Variants in AKAP7 observed in about 807,000 individuals in gnomAD.
The protein encoded by AKAP7 is A kinase (PRKA) anchor protein 7.
Under a neutral mutation model 39.5 loss-of-function variants are expected in AKAP7, and 39 were observed. The ratio of observed to expected loss-of-function variants is 0.99; its 90% CI spans 0.76 to 1.29. AKAP7 has a LOEUF of 1.29. AKAP7 is among the 50% of genes most tolerant of loss of function. AKAP7 has a pLI of 0.00. For missense variants in AKAP7, 414 were observed against 407.7 expected (o/e 1.02, Z -0.13); for synonymous variants, 140 against 139.1 (o/e 1.01, Z -0.05).
chr6:131,225,432 A>G (rs571010342), intron 7 of AKAP7, among the ~76,000 whole-genome samples: 1 of 152,284 alleles, frequency 6.6e-6, no homozygotes, highest in South Asian at 2.1e-4. Context: ...TTCTGTTACC[A>G]ATTTGTGAGT....
intron 7 of AKAP7, among the ~76,000 whole-genome samples, chr6:131,276,923 T>C (rs1476655589): frequency 6.6e-6 from 1 of 152,180 alleles, no homozygotes; most frequent in Non-Finnish European, 1.5e-5. Flanking sequence ...TTGGGTCAAC[T>C]CACACTTAAG....
chr6:131,177,769 C>CA (rs972157365), intron 5 of AKAP7, among the ~76,000 whole-genome samples: 42 of 152,290 alleles, frequency 2.8e-4, no homozygotes, highest in African/African-American at 8.2e-4. Context: ...AGTCTGATTC[C>CA]AAATTCTGTG....
At chr6:131,260,992 T>C (rs1562250686) in intron 7 of AKAP7, among the ~76,000 whole-genome samples, 1 of 151,862 alleles carries the variant, frequency 6.6e-6, no homozygotes, top group Non-Finnish European at 1.5e-5. Context: ...AGGTTGGGAG[T>C]TTGAGACCAG....
At chr6:131,224,417 G>C (rs1456919009) in intron 7 of AKAP7, among the ~76,000 whole-genome samples, 4 of 152,024 alleles carry the variant, frequency 2.6e-5, no homozygotes, top group African/African-American at 9.7e-5. Flanking sequence ...TTAATACCGT[G>C]GGACAGATTT....
At chr6:131,172,247 G>GT in intron 5 of AKAP7, among the ~76,000 whole-genome samples, 1 of 152,202 alleles carries the variant, frequency 6.6e-6, no homozygotes, top group East Asian at 1.9e-4. Flanking sequence ...AACAAGAACA[G>GT]TAGAGACATG....
chr6:131,216,405 T>C (rs1392819611), intron 6 of AKAP7, among the ~76,000 whole-genome samples: 1 of 152,216 alleles, frequency 6.6e-6, no homozygotes, highest in Non-Finnish European at 1.5e-5. Flanking sequence ...TTTCCATTAC[T>C]TATCAGATTG....
chr6:131,132,093 A>AT (rs1473648293), upstream of AKAP7, among the ~76,000 whole-genome samples: 1 of 152,078 alleles, frequency 6.6e-6, no homozygotes, highest in African/African-American at 2.4e-5. Context: ...CGGGCGGATC[A>AT]TGAGGTCAGG....
At chr6:131,130,633 A>C (rs1800305949), upstream of AKAP7, among the ~76,000 whole-genome samples, 1 of 152,152 alleles carries the variant, frequency 6.6e-6, no homozygotes, top group Non-Finnish European at 1.5e-5. Context: ...TGTCACCATG[A>C]AGACTGGGAG....
intron 7 of AKAP7, among the ~76,000 whole-genome samples, chr6:131,259,502 G>A (rs901241992): frequency 4.6e-5 from 7 of 152,172 alleles, no homozygotes; most frequent in African/African-American, 1.4e-4. Flanking sequence ...GAGTTGTTTT[G>A]TATGGCTCTA....
intron 7 of AKAP7, among the ~76,000 whole-genome samples, chr6:131,226,989 G>A (rs867220198): frequency 6.6e-6 from 1 of 152,188 alleles, no homozygotes; most frequent in East Asian, 1.9e-4. Flanking sequence ...GCACCGGACA[G>A]CAAAGGCTAC....
At chr6:131,209,825 C>T (rs1204918476) in intron 6 of AKAP7, among the ~76,000 whole-genome samples, 5 of 152,104 alleles carry the variant, frequency 3.3e-5, no homozygotes, top group East Asian at 1.9e-4. Context: ...AGGCAACTGG[C>T]AAGTCCCACA....
upstream of AKAP7, among the ~76,000 whole-genome samples, chr6:131,133,256 T>G (rs1279425888): frequency 6.6e-6 from 1 of 152,216 alleles, no homozygotes; most frequent in Non-Finnish European, 1.5e-5. Context: ...TTTTTGAGTA[T>G]TATTATGGGT....
At chr6:131,244,050 T>A (rs1008687318) in intron 7 of AKAP7, among the ~76,000 whole-genome samples, 4 of 152,172 alleles carry the variant, frequency 2.6e-5, no homozygotes, top group African/African-American at 9.7e-5. Flanking sequence ...TTAACTTGTT[T>A]TTGAGGAAGT....
chr6:131,208,473 A>G (rs1452795245), intron 6 of AKAP7, among the ~76,000 whole-genome samples: 5 of 152,236 alleles, frequency 3.3e-5, no homozygotes, highest in Non-Finnish European at 7.3e-5. Flanking sequence ...AGATTTTGAC[A>G]ACTTTGAAAA....
chr6:131,210,053 T>C (rs1180648962), intron 6 of AKAP7, among the ~76,000 whole-genome samples: 1 of 152,236 alleles, frequency 6.6e-6, no homozygotes, highest in Non-Finnish European at 1.5e-5. Context: ...CCAACTCTTA[T>C]TAAAATAATT....
intron 5 of AKAP7, among the ~76,000 whole-genome samples, chr6:131,178,752 T>C (rs1804818662): frequency 6.6e-6 from 1 of 152,192 alleles, no homozygotes; most frequent in Non-Finnish European, 1.5e-5. Context: ...GTTTGACCTG[T>C]CTGGGAAACA....
rs554094892 is a variant in AKAP7 at position 131,194,870 on chromosome 6, G to C, written c.590-4591G>C. Among the ~76,000 whole-genome samples the C allele has an allele frequency of 9.9e-4, 150 of 152,100 alleles. 2 individuals are homozygous for C. The highest frequency in any genetic ancestry group is 8.3e-4 in the South Asian group (4 of 4,802). On this transcript the variant is annotated intron_variant, in intron 5 of 7. Coordinates refer to ENST00000431975, the MANE Select transcript of AKAP7 (RefSeq NM_016377.4). ...TCATATGCACTCCTGCTCTGTTTTG[G>C]TTCCCATTGGCATGGGATTTCTTTT...
chr6:131,279,670 G>T (rs1235251706), intron 7 of AKAP7, among the ~76,000 whole-genome samples: 2 of 152,166 alleles, frequency 1.3e-5, no homozygotes, highest in Non-Finnish European at 2.9e-5. Context: ...ACCCAAAAGG[G>T]ATTTGGAGGT....
At chr6:131,245,437 T>C (rs1042715394) in intron 7 of AKAP7, among the ~76,000 whole-genome samples, 6 of 150,902 alleles carry the variant, frequency 4.0e-5, no homozygotes, top group Non-Finnish European at 5.9e-5. Context: ...TTTTTGTTTT[T>C]GGTTTTTTTT....
Sources: allele counts gnomAD v4.1 joint callset (sites outside exome capture counted in the v4.1 genomes callset), GRCh38; gene constraint gnomAD v4.1.1; transcripts MANE v1.5; gene names NCBI Gene and HGNC (gene_info 2026-07-23, HGNC 2026-07-21).